The following DLGAP2 variants were observed in gnomAD, a reference collection of about 807,000 sequenced individuals.
DLGAP2 encodes the protein DLG associated protein 2, also known as disks large-associated protein 2.
In DLGAP2, 26 loss-of-function variants were observed where a neutral mutation model predicts 100.3. That is an observed-to-expected ratio of 0.26 (90% CI 0.19 to 0.36). The LOEUF (loss-of-function observed/expected upper bound fraction) is 0.36, where lower values mean the gene tolerates loss of function less well. Among genes scored for constraint, DLGAP2 ranks in the 10% least tolerant of loss-of-function variants. The pLI is 1.00. For synonymous variants in DLGAP2, 886 were observed against 630.1 expected (o/e 1.41, Z -6.08); for missense variants, 1,858 against 1,453.2 (o/e 1.28, Z -4.53).
At chr8:877,801 T>C (rs1370030663) in intron 1 of DLGAP2, among the ~76,000 whole-genome samples, 1 of 152,154 alleles carries the variant, frequency 6.6e-6, no homozygotes, top group African/African-American at 2.4e-5. Context: ...GTTTGGCTCC[T>C]TTGGAAAGAG....
At position 1,258,864 on chromosome 8, in the gene DLGAP2, G is replaced by A. The variant is rs982040763; in HGVS notation, c.87G>A (p.Thr29=). Reference sequence around the variant, plus strand: ...CTCTGTTTTCAGAGTCGCAGTGCACGCTCTGCGGGGAGCCGGAAGGTGAGT... The same window carrying A: ...CTCTGTTTTCAGAGTCGCAGTGCACACTCTGCGGGGAGCCGGAAGGTGAGT... ...LPDRNTESQC[T]LCGEPEEEEA... Residue 29 remains threonine (T), a synonymous_variant, in exon 3 of 15, where the codon ACG becomes ACA. Transcript: ENST00000637795. 7 of 1,231,768 alleles carry A rather than the reference G, an allele frequency of 5.7e-6. No homozygotes were observed. Among genetic ancestry groups the A allele is most frequent in the Admixed American group, 4.2e-5 (1 of 23,722 alleles). The allele number at this position is 1,231,768 out of a possible 1,614,324, so 76.3% of individuals were successfully genotyped here. A position where few individuals can be genotyped will look rare whatever the true frequency, so the allele number is the denominator to read the frequency against.
intron 1 of DLGAP2, among the ~76,000 whole-genome samples, chr8:782,825 G>A (rs887115885): frequency 6.6e-6 from 1 of 152,076 alleles, no homozygotes; most frequent in African/African-American, 2.4e-5. Flanking sequence ...CTGAGACCTC[G>A]TCTCCCTGTT....
intron 2 of DLGAP2, among the ~76,000 whole-genome samples, chr8:1,191,327 C>T (rs531509027): frequency 2.4e-4 from 36 of 152,044 alleles, no homozygotes; most frequent in East Asian, 1.7e-3. Flanking sequence ...CCCGCCACCA[C>T]GCCCGGCTAA....
chr8:811,910 C>G (rs1005207842), intron 1 of DLGAP2, among the ~76,000 whole-genome samples: 1 of 152,246 alleles, frequency 6.6e-6, no homozygotes, highest in Non-Finnish European at 1.5e-5. Flanking sequence ...AGTAAGTTGC[C>G]TTTACTGTTA....
intron 4 of DLGAP2, among the ~76,000 whole-genome samples, chr8:1,513,675 C>T (rs185526082): frequency 6.6e-6 from 1 of 152,220 alleles, no homozygotes; most frequent in African/African-American, 2.4e-5. Flanking sequence ...TGCAGCTTTT[C>T]TCAGTAAAAG....
Position 1,668,407 on chromosome 8 carries a change from C to A in DLGAP2, c.1889C>A (p.Thr630Lys). 6.2e-7 allele frequency: 1 copy of A among 1,602,544 alleles called. No homozygotes were observed. The highest frequency in any genetic ancestry group is 8.5e-7 in the Non-Finnish European group (1 of 1,174,968). ...ACCTCCAAGCCTCTGATCTCGGTGACGGCGCAGAGCAGCACCGAATCCACC... is the reference window on the plus strand; with the variant it reads ...ACCTCCAAGCCTCTGATCTCGGTGAAGGCGCAGAGCAGCACCGAATCCACC... ...RTTSKPLISVTAQSSTESTQD... is the reference protein window; with the variant it reads ...RTTSKPLISVKAQSSTESTQD... The change falls in exon 9 of 15, where the codon ACG (threonine) becomes AAG (lysine). Residue 630 changes from threonine to lysine, a missense_variant. By Grantham distance (78) the Thr-to-Lys change is moderately conservative. Transcript: ENST00000637795.
intron 3 of DLGAP2, among the ~76,000 whole-genome samples, chr8:1,341,480 G>T (rs991711906): frequency 6.6e-6 from 1 of 152,158 alleles, no homozygotes; most frequent in Non-Finnish European, 1.5e-5. Flanking sequence ...GTATTTAATG[G>T]AATACCCACA....
intron 10 of DLGAP2, among the ~76,000 whole-genome samples, chr8:1,676,184 T>A (rs1485986521): frequency 6.6e-6 from 1 of 152,230 alleles, no homozygotes; most frequent in Non-Finnish European, 1.5e-5. Context: ...TGCTGTACTT[T>A]CTTCACCATA....
intron 3 of DLGAP2, among the ~76,000 whole-genome samples, chr8:1,317,489 C>A (rs1357319148): frequency 7.0e-6 from 1 of 141,974 alleles, no homozygotes; most frequent in Non-Finnish European, 1.5e-5. Flanking sequence ...CAACAGTGGT[C>A]TACACTCGAG....
intron 14 of DLGAP2, among the ~76,000 whole-genome samples, chr8:1,699,715 G>A (rs1406937892): frequency 1.3e-5 from 2 of 152,220 alleles, no homozygotes; most frequent in African/African-American, 4.8e-5. Context: ...CTCCGTGCCT[G>A]AACAGGAGGC....
In DLGAP2 at chr8:1,113,550, G is replaced by A. The variant is rs190320230; in HGVS notation, c.74-145301G>A. On this transcript the variant is annotated intron_variant, in intron 2 of 14. Coordinates refer to ENST00000637795, the MANE Select transcript of DLGAP2 (RefSeq NM_001346810.2). The stretch of plus-strand genomic sequence containing the variant: ...CTAGTGATTTTTGTACATTGATTTT[G>A]TATCCTGCAACTCTGGTTAAGTTGT... Among the ~76,000 whole-genome samples the A allele has an allele frequency of 1.6e-4, 25 of 152,262 alleles. No individual in the cohort carries two copies. The East Asian group carries it at 3.1e-3, about 19-fold the overall frequency.
At chr8:842,590 T>C (rs1003484611) in intron 1 of DLGAP2, among the ~76,000 whole-genome samples, 1 of 150,828 alleles carries the variant, frequency 6.6e-6, no homozygotes, top group Non-Finnish European at 1.5e-5. Context: ...AGTCAAACTT[T>C]TAAGTTTTCA....
At chr8:1,557,765 C>T (rs1802017062) in intron 5 of DLGAP2, among the ~76,000 whole-genome samples, 1 of 152,184 alleles carries the variant, frequency 6.6e-6, no homozygotes, top group African/African-American at 2.4e-5. Context: ...AGGGTTGCCC[C>T]CTCTCTGTCT....
chr8:989,159 C>T (rs773789390), intron 2 of DLGAP2, among the ~76,000 whole-genome samples: 3 of 152,186 alleles, frequency 2.0e-5, no homozygotes, highest in Non-Finnish European at 4.4e-5. Context: ...TGCCGTGTTC[C>T]ACACTGGCCT....
chr8:1,685,192 C>T (rs1799082979), intron 12 of DLGAP2, among the ~76,000 whole-genome samples: 1 of 152,178 alleles, frequency 6.6e-6, no homozygotes. Context: ...CAGCGGTCAG[C>T]AGCTGACAAA....
intron 3 of DLGAP2, among the ~76,000 whole-genome samples, chr8:1,459,864 T>A (rs1291027973): frequency 6.6e-6 from 1 of 152,080 alleles, no homozygotes; most frequent in Non-Finnish European, 1.5e-5. Context: ...TTTTGTGTTT[T>A]TAGTAGAGAC....
chr8:883,363 A>C (rs539113770), intron 1 of DLGAP2: 1 of 152,156 alleles, frequency 6.6e-6, no homozygotes, highest in Non-Finnish European at 1.5e-5. Context: ...GCCTGGGCCT[A>C]CATTGGCCTA....
At chr8:944,219 A>T (rs1563106508) in intron 2 of DLGAP2, among the ~76,000 whole-genome samples, 1 of 152,154 alleles carries the variant, frequency 6.6e-6, no homozygotes, top group African/African-American at 2.4e-5. Flanking sequence ...CTGGGTGGTA[A>T]CCAGTCCCTG....
chr8:1,095,675 G>T (rs1484700652), intron 2 of DLGAP2, among the ~76,000 whole-genome samples: 1 of 152,168 alleles, frequency 6.6e-6, no homozygotes, highest in African/African-American at 2.4e-5. Context: ...GTTATTGTCG[G>T]CTTTATCAGG....
Sources: allele counts gnomAD v4.1 joint callset (sites outside exome capture counted in the v4.1 genomes callset), GRCh38; gene constraint gnomAD v4.1.1; transcripts MANE v1.5; gene names NCBI Gene and HGNC (gene_info 2026-07-23, HGNC 2026-07-21).